PDE9A: variants seen among roughly 807,000 people sequenced by gnomAD.
PDE9A encodes phosphodiesterase 9A.
A neutral mutation model predicts 87.4 loss-of-function variants in PDE9A; 60 were observed. The observed-to-expected ratio is 0.69, with a 90% CI of 0.56 to 0.85. The LOEUF is 0.85. PDE9A is among the 40% of genes least tolerant of loss of function. The pLI is 0.00. For missense variants in PDE9A, 665 were observed against 779.0 expected (o/e 0.85, Z 1.74); for synonymous variants, 272 against 279.4 (o/e 0.97, Z 0.27).
At position 42,756,008 on chromosome 21, in the gene PDE9A, TAGAA is replaced by T. The variant is rs2055001380; in HGVS notation, c.810+1947_810+1950del. On this transcript the variant is annotated intron_variant, in intron 10 of 19. Transcript: ENST00000291539. Reference sequence around the variant, plus strand: ...AGCTGGGGGATCTGTGTCTCCATAATAGAAAGGCCACCTCTCTGTCCTCTGATCA... The same window carrying T: ...AGCTGGGGGATCTGTGTCTCCATAATAGGCCACCTCTCTGTCCTCTGATCA... 1.3e-5 allele frequency among the ~76,000 whole-genome samples: 2 copies of T among 152,170 alleles called. 1 individual carries two copies. The highest frequency in any genetic ancestry group is 4.1e-4 in the South Asian group (2 of 4,830).
At chr21:42,663,303 A>G (rs564603311) in intron 1 of PDE9A, among the ~76,000 whole-genome samples, 2 of 151,368 alleles carry the variant, frequency 1.3e-5, no homozygotes, top group Admixed American at 6.6e-5. Flanking sequence ...ACACACATAC[A>G]TACACACCGC....
At chr21:42,758,885 C>T in intron 10 of PDE9A, 114 bp from the exon 11 acceptor site, 1 of 734,890 alleles carries the variant, frequency 1.4e-6, no homozygotes, top group East Asian at 2.7e-5. Context: ...GGGGAGAACC[C>T]ACCTCCTGCC....
Position 42,760,658 on chromosome 21 carries a change from C to T in PDE9A, c.1003-167C>T, listed in dbSNP as rs1446486871. 6.6e-6 allele frequency among the ~76,000 whole-genome samples: 1 copy of T among 152,078 alleles called. No individual in the cohort carries two copies. The highest frequency in any genetic ancestry group is 1.5e-5 in the Non-Finnish European group (1 of 67,994). Reference sequence around the variant, plus strand: ...GGTGAGTCCCCGACCTGGTCACCCCCCCAACCCCCACAGGCAGGCCGATCC... The same window carrying T: ...GGTGAGTCCCCGACCTGGTCACCCCTCCAACCCCCACAGGCAGGCCGATCC... On this transcript the variant is annotated intron_variant, in intron 12 of 19. Coordinates refer to ENST00000291539, the MANE Select transcript of PDE9A (RefSeq NM_002606.3). The surrounding 1 kb of genome is among the most constrained non-coding windows in gnomAD (Gnocchi z 5.2).
At position 42,705,876 on chromosome 21, in the gene PDE9A, G is replaced by A. The variant is rs564266391; in HGVS notation, c.262+6865G>A. Among the ~76,000 whole-genome samples the A allele has an allele frequency of 6.6e-6, 1 of 151,928 alleles. No homozygotes were observed. Among genetic ancestry groups the A allele is most frequent in the Non-Finnish European group, 1.5e-5 (1 of 67,938 alleles). Reference sequence around the variant, plus strand: ...TGTTCAGCCTCTGCATCTGGCCCCCGCGGAGACCCACACCACATTCTACTC... The same window carrying A: ...TGTTCAGCCTCTGCATCTGGCCCCCACGGAGACCCACACCACATTCTACTC... On this transcript the variant is annotated intron_variant, in intron 4 of 19. Transcript: ENST00000291539. This position sits in a 1 kb window ranked among gnomAD's most constrained non-coding sequence, Gnocchi z 4.3.
intron 1 of PDE9A, among the ~76,000 whole-genome samples, chr21:42,654,221 G>C (rs1047233158): frequency 3.9e-5 from 6 of 152,182 alleles, no homozygotes; most frequent in Non-Finnish European, 7.4e-5. Context: ...GCAGCCCCGG[G>C]GTCGTGGTCC....
At chr21:42,763,507 AGGAAGGACCCTCCCCT>A (rs1052443308) in intron 14 of PDE9A, among the ~76,000 whole-genome samples, 1 of 152,172 alleles carries the variant, frequency 6.6e-6, no homozygotes, top group African/African-American at 2.4e-5. Flanking sequence ...GGAGGAGACA[AGGAAGGACCCTCCCCT>A]GGAGTCTTCT....
At chr21:42,710,960 C>A (rs113430231) in intron 4 of PDE9A, among the ~76,000 whole-genome samples, 4,184 of 152,242 alleles carry the variant, frequency 0.027, 187 homozygotes, top group African/African-American at 0.094. Flanking sequence ...GCACTCCAGC[C>A]TGGGTGACAG....
At chr21:42,674,897 T>A (rs1601971817) in intron 1 of PDE9A, among the ~76,000 whole-genome samples, 1 of 152,258 alleles carries the variant, frequency 6.6e-6, no homozygotes, top group South Asian at 2.1e-4. Flanking sequence ...GTAGGCTGGT[T>A]CTGTTATCAA....
intron 16 of PDE9A, chr21:42,768,731 T>C (rs1487432201): frequency 4.1e-6 from 4 of 985,336 alleles, no homozygotes; most frequent in Non-Finnish European, 4.8e-6. Flanking sequence ...AACAGCTTGA[T>C]GAACCCTAGG....
intron 1 of PDE9A, among the ~76,000 whole-genome samples, chr21:42,684,936 T>C (rs2059364871): frequency 6.6e-6 from 1 of 151,694 alleles, no homozygotes; most frequent in Non-Finnish European, 1.5e-5. Context: ...CTGTTTTCTA[T>C]ATTTCACTGT....
intron 4 of PDE9A, among the ~76,000 whole-genome samples, chr21:42,721,846 C>T (rs2050562997): frequency 6.6e-6 from 1 of 152,148 alleles, no homozygotes; most frequent in Admixed American, 6.5e-5. Flanking sequence ...CTCCCACCCC[C>T]CACAATCTTC....
Position 42,760,527 on chromosome 21 carries a change from C to A in PDE9A, c.1002+95C>A, listed in dbSNP as rs2055606874. ...CGGCAGCCCCATCCCACCAAGAGAG[C>A]CACAGGCGTGGGGTCCCCAGCCGCT... On this transcript the variant is annotated intron_variant, in intron 12 of 19. Transcript: ENST00000291539. This position sits in a 1 kb window ranked among gnomAD's most constrained non-coding sequence, Gnocchi z 5.2. The A allele has an allele frequency of 1.3e-6, 1 of 779,632 alleles. No individual in the cohort carries two copies. Among genetic ancestry groups the A allele is most frequent in the East Asian group, 2.7e-5 (1 of 37,404 alleles). The allele number at this position is 779,632 out of a possible 1,614,324, so 48.3% of individuals were successfully genotyped here.
At chr21:42,727,195 A>T (rs1209958107) in intron 4 of PDE9A, among the ~76,000 whole-genome samples, 1 of 151,330 alleles carries the variant, frequency 6.6e-6, no homozygotes, top group East Asian at 1.9e-4. Context: ...TAACATGGTC[A>T]GTCTTGCCAT....
intron 4 of PDE9A, among the ~76,000 whole-genome samples, chr21:42,725,962 T>C (rs1163900801): frequency 6.6e-6 from 1 of 152,080 alleles, no homozygotes; most frequent in East Asian, 1.9e-4. Flanking sequence ...CACGAGTGAG[T>C]GAGCCGTGTT....
At chr21:42,768,053 G>A (rs1013637798) in intron 15 of PDE9A, 135 bp from the exon 16 acceptor site, 3 of 639,234 alleles carry the variant, frequency 4.7e-6, no homozygotes, top group Non-Finnish European at 8.5e-6. Context: ...CTCCCTGAAG[G>A]CAGCCAAGCT....
chr21:42,670,333 CAT>C (rs1160502923), intron 1 of PDE9A, among the ~76,000 whole-genome samples: 1 of 105,978 alleles, frequency 9.4e-6, no homozygotes, highest in Non-Finnish European at 2.0e-5. Context: ...CATTCACACA[CAT>C]TCACATACAT....
In PDE9A at chr21:42,704,242, TG is replaced by T; in HGVS notation, c.262+5232del. On this transcript the variant is annotated intron_variant, in intron 4 of 19. Transcript: ENST00000291539. The surrounding 1 kb of genome is among the most constrained non-coding windows in gnomAD (Gnocchi z 5.3). ...TATTCCGCAGTGAGGAGTCGCTGGC[TG>T]TCCAGGGGAGCTGCATTTTCCTAGC... is the stretch of plus-strand genomic sequence containing the variant. 6.6e-6 allele frequency among the ~76,000 whole-genome samples: 1 copy of T among 152,198 alleles called. No individual in the cohort carries two copies. The highest frequency in any genetic ancestry group is 1.9e-4 in the East Asian group (1 of 5,184).
At chr21:42,735,593 G>C (rs1049759064) in intron 7 of PDE9A, among the ~76,000 whole-genome samples, 2 of 152,136 alleles carry the variant, frequency 1.3e-5, no homozygotes, top group Non-Finnish European at 2.9e-5. Context: ...AGCTTGGAAG[G>C]CTACATTGCT....
At chr21:42,677,074 T>A (rs1381639167) in intron 1 of PDE9A, among the ~76,000 whole-genome samples, 1 of 152,200 alleles carries the variant, frequency 6.6e-6, no homozygotes, top group Non-Finnish European at 1.5e-5. Context: ...AAAGACAGGC[T>A]GCCCTTCTCT....
Sources: allele counts gnomAD v4.1 joint callset (sites outside exome capture counted in the v4.1 genomes callset), GRCh38; gene constraint gnomAD v4.1.1; non-coding constraint Gnocchi (gnomAD v3.1); transcripts MANE v1.5; gene names NCBI Gene and HGNC (gene_info 2026-07-23, HGNC 2026-07-21).